The following KIF20B variants were observed in gnomAD, a reference collection of about 807,000 sequenced individuals.
KIF20B encodes kinesin-like protein KIF20B.
A neutral mutation model predicts 232.5 loss-of-function variants in KIF20B; 188 were observed. That is an observed-to-expected ratio of 0.81 (90% CI 0.72 to 0.91). The LOEUF (loss-of-function observed/expected upper bound fraction) is 0.91, where lower values mean the gene tolerates loss of function less well. KIF20B is among the 40% of genes least tolerant of loss of function. The pLI is 0.00. For missense variants in KIF20B, 2,154 were observed against 2,055.9 expected, an observed-to-expected ratio of 1.05 and a Z score of -0.92; for synonymous variants, 712 against 683.0, an observed-to-expected ratio of 1.04 and a Z score of -0.66.
intron 4 of KIF20B, among the ~76,000 whole-genome samples, chr10:89,709,708 C>T (rs1842799782): frequency 6.6e-6 from 1 of 151,618 alleles, no homozygotes; most frequent in Non-Finnish European, 1.5e-5. Flanking sequence ...AAGAAATATT[C>T]TTTTCAAAAC....
chr10:89,742,883 A>G (rs967837919), intron 21 of KIF20B, among the ~76,000 whole-genome samples: 67 of 151,178 alleles, frequency 4.4e-4, no homozygotes, highest in Non-Finnish European at 8.6e-4. Flanking sequence ...TTGTATTTTT[A>G]GTAGAGATGG....
chr10:89,706,049 A>C (rs887401239), intron 2 of KIF20B, among the ~76,000 whole-genome samples: 1 of 152,210 alleles, frequency 6.6e-6, no homozygotes, highest in African/African-American at 2.4e-5. Flanking sequence ...CTAGGAATAC[A>C]AACTGTATAA....
intron 21 of KIF20B, among the ~76,000 whole-genome samples, chr10:89,739,756 A>G (rs1003633984): frequency 3.3e-5 from 5 of 151,862 alleles, no homozygotes; most frequent in African/African-American, 1.2e-4. Flanking sequence ...TGTTTCTACC[A>G]CTATAAAAGT....
intron 2 of KIF20B, among the ~76,000 whole-genome samples, chr10:89,707,024 A>G (rs1264377442): frequency 6.6e-6 from 1 of 152,194 alleles, no homozygotes; most frequent in Non-Finnish European, 1.5e-5. Context: ...TTGAGTCTTA[A>G]TCCATGAACA....
intron 1 of KIF20B, among the ~76,000 whole-genome samples, chr10:89,704,022 A>AT (rs1257608898): frequency 6.6e-6 from 1 of 152,138 alleles, no homozygotes; most frequent in African/African-American, 2.4e-5. Context: ...AAGTGCTGGG[A>AT]TTACAGGTGT....
At chr10:89,722,387 C>G (rs2133103277) in intron 13 of KIF20B, among the ~76,000 whole-genome samples, 1 of 152,158 alleles carries the variant, frequency 6.6e-6, no homozygotes, top group East Asian at 1.9e-4. Flanking sequence ...ATTAAACTTC[C>G]CGCCAGGCGC....
intron 16 of KIF20B, 118 bp downstream of exon 16, chr10:89,726,639 A>G: frequency 1.3e-6 from 1 of 798,854 alleles, no homozygotes; most frequent in South Asian, 4.1e-5. Flanking sequence ...TCTTTCATCT[A>G]GGTAACATAT....
chr10:89,749,374 G>A (rs539353295), intron 23 of KIF20B, among the ~76,000 whole-genome samples: 2 of 152,226 alleles, frequency 1.3e-5, no homozygotes, highest in East Asian at 1.9e-4. Flanking sequence ...AAACAATGGA[G>A]ATCTAATATA....
Position 89,738,297 on chromosome 10 carries a change from T to TA in KIF20B, c.3457dup (p.Thr1153AsnfsTer8), listed in dbSNP as rs747282193. 6.2e-7 allele frequency: 1 copy of TA among 1,611,962 alleles called. No individual in the cohort carries two copies. Among genetic ancestry groups the TA allele is most frequent in the Non-Finnish European group, 8.5e-7 (1 of 1,179,352 alleles). On this transcript the variant is annotated frameshift_variant, in exon 20 of 33. Transcript: ENST00000371728. LOFTEE classifies it high-confidence loss of function. ...AAGGAAAGAGAGCGCTTTCAGAACT[T>TA]ACACAAGGTGTTACTTGCTATAAGG...
At position 89,772,922 on chromosome 10, in the gene KIF20B, C is replaced by T. The variant is rs137936060; in HGVS notation, c.5385+91C>T. 2.6e-4 allele frequency: 287 copies of T among 1,114,966 alleles called. No individual in the cohort carries two copies. The East Asian group carries it at 7.1e-3, about 27-fold the overall frequency. 69.1% of individuals were successfully genotyped at this position (1,114,966 alleles called of 1,614,324 possible). On this transcript the variant is annotated intron_variant, in intron 32 of 32. Transcript: ENST00000371728. Reference sequence around the variant, plus strand: ...GTTTGAATTTCAATTCTTTAGATCTCTGAAAACACATGCTATAAAGGTCAT... The same window carrying T: ...GTTTGAATTTCAATTCTTTAGATCTTTGAAAACACATGCTATAAAGGTCAT...
At chr10:89,762,373 A>T (rs903598470) in intron 28 of KIF20B, among the ~76,000 whole-genome samples, 23 of 152,186 alleles carry the variant, frequency 1.5e-4, no homozygotes, top group African/African-American at 5.5e-4. Context: ...GGTAGAGTCC[A>T]GGAGTCTTTT....
chr10:89,753,859 C>A (rs1032884963), intron 25 of KIF20B, among the ~76,000 whole-genome samples: 1 of 152,134 alleles, frequency 6.6e-6, no homozygotes, highest in African/African-American at 2.4e-5. Context: ...ACCTCGTGAT[C>A]CGCCCACCTT....
At chr10:89,760,439 T>A (rs1842214324) in intron 27 of KIF20B, 87 bp from the exon 28 acceptor site, 2 of 802,132 alleles carry the variant, frequency 2.5e-6, no homozygotes, top group Admixed American at 2.3e-5. Context: ...TTCATACAAA[T>A]CTTGATTTTA....
Position 89,715,056 on chromosome 10 carries a change from T to G in KIF20B, c.814T>G (p.Trp272Gly). ...GGCTAATAGTATAAAATTTTCTGTG[T>G]GGGTTTCTTTCTTTGAAATTTACAA... The part of the protein sequence containing the change: ...NMANSIKFSV[W>G]VSFFEIYNEY... The change falls in exon 8 of 33, where the codon TGG becomes GGG. Residue 272 changes from tryptophan (W) to glycine (G), a missense_variant. By Grantham distance (184) the Trp-to-Gly change is radical. Transcript: ENST00000371728. The G allele has an allele frequency of 6.2e-7, 1 of 1,606,448 alleles. No homozygotes were observed. The highest frequency in any genetic ancestry group is 8.5e-7 in the Non-Finnish European group (1 of 1,175,428).
rs770357459 is a variant in KIF20B, at chr10:89,709,909, T to C, written c.352-18T>C. The C allele has an allele frequency of 1.3e-6, 2 of 1,557,800 alleles. No individual in the cohort carries two copies. The highest frequency in any genetic ancestry group is 1.2e-5 in the South Asian group (1 of 81,984). On this transcript the variant is annotated intron_variant, in intron 4 of 32. Coordinates refer to ENST00000371728, the MANE Select transcript of KIF20B (RefSeq NM_001284259.2). ...ACTTGAATTTTCTAAAAAGAGTTTTTAAAAAATGTTTGCTTAGGTTTTTGG... is the reference window on the plus strand; with the variant it reads ...ACTTGAATTTTCTAAAAAGAGTTTTCAAAAAATGTTTGCTTAGGTTTTTGG...
intron 21 of KIF20B, among the ~76,000 whole-genome samples, chr10:89,742,672 G>A (rs1163598055): frequency 6.7e-6 from 1 of 149,848 alleles, no homozygotes; most frequent in Non-Finnish European, 1.5e-5. Context: ...ACCACTCTGA[G>A]CTACTATAAT....
At chr10:89,712,372 A>C (rs997516179) in intron 6 of KIF20B, among the ~76,000 whole-genome samples, 3 of 149,224 alleles carry the variant, frequency 2.0e-5, no homozygotes. Flanking sequence ...TCCTGCCTCG[A>C]CCTCCTCTGA....
chr10:89,762,932 G>A (rs17127001), intron 29 of KIF20B, 97 bp downstream of exon 29: 182,398 of 855,454 alleles, frequency 0.21, 21,242 homozygotes, highest in East Asian at 0.35. Context: ...CCTGTTCATA[G>A]GCACTGCTGT....
intron 25 of KIF20B, among the ~76,000 whole-genome samples, chr10:89,753,761 C>T (rs543721175): frequency 2.0e-4 from 31 of 152,158 alleles, no homozygotes; most frequent in African/African-American, 7.0e-4. Context: ...GCTGGGACTA[C>T]AGGTACACGC....
Sources: gnomAD v4.1 joint callset for allele counts (sites outside exome capture counted in the v4.1 genomes callset) on GRCh38, gnomAD v4.1.1 for gene constraint, MANE v1.5 for transcripts, NCBI Gene and HGNC (gene_info 2026-07-23, HGNC 2026-07-21) for gene names.